C1GALT1: variants seen among roughly 807,000 people sequenced by gnomAD.
C1GALT1 encodes the protein core 1 synthase, glycoprotein-N-acetylgalactosamine 3-beta-galactosyltransferase 1.
C1GALT1 carries 11 observed loss-of-function variants against 31.0 expected under a neutral mutation model. The observed-to-expected ratio is 0.36, with a 90% CI of 0.22 to 0.59. The LOEUF is 0.59. Among genes scored for constraint, C1GALT1 ranks in the 20% least tolerant of loss-of-function variants. The pLI is 0.79. For synonymous variants in C1GALT1, 175 were observed against 143.6 expected (o/e 1.22, Z -1.56); for missense variants, 424 against 425.2 (o/e 1.00, Z 0.03).
chr7:7,169,079 C>A (rs1392466628), intron 2 of C1GALT1, among the ~76,000 whole-genome samples: 4 of 152,142 alleles, frequency 2.6e-5, no homozygotes, highest in African/African-American at 9.7e-5. Flanking sequence ...TTTGCCTCTT[C>A]TAGATATTTC....
intron 1 of C1GALT1, among the ~76,000 whole-genome samples, chr7:7,192,578 C>G (rs1324529552): frequency 6.6e-6 from 1 of 151,848 alleles, no homozygotes; most frequent in Non-Finnish European, 1.5e-5. Flanking sequence ...TGGGTTGATT[C>G]CATATTTTTG....
rs182489574 is a variant in C1GALT1 at position 7,204,424 on chromosome 7, A to G, written c.-18+21604A>G. Among the ~76,000 whole-genome samples the G allele has an allele frequency of 7.2e-5, 11 of 151,850 alleles. No individual in the cohort carries two copies. In the East Asian group the frequency reaches 2.1e-3, roughly 29 times the overall value. On this transcript the variant is annotated intron_variant, in intron 1 of 3. Coordinates refer to ENST00000436587, the MANE Select transcript of C1GALT1 (RefSeq NM_020156.5). ...AAACTATTAGCAATGCCCTACTTTCATTTCTGATTTCAGTAATTTGAGTCT... is the reference window on the plus strand; with the variant it reads ...AAACTATTAGCAATGCCCTACTTTCGTTTCTGATTTCAGTAATTTGAGTCT...
At chr7:7,227,081 A>G (rs570092376) in intron 1 of C1GALT1, among the ~76,000 whole-genome samples, 40 of 152,300 alleles carry the variant, frequency 2.6e-4, no homozygotes, top group African/African-American at 9.6e-4. Context: ...TAATTTTTAG[A>G]GGGATCCTTT....
In C1GALT1 at chr7:7,248,056, A is replaced by G. The variant is rs1783917787; in HGVS notation, c.*4329A>G. 1 of 152,056 alleles carries G rather than the reference A, an allele frequency of 6.6e-6. No individual in the cohort carries two copies. Among genetic ancestry groups the G allele is most frequent in the Admixed American group, 6.5e-5 (1 of 15,270 alleles). The allele number at this position is 152,056 out of a possible 1,614,324, so 9.4% of individuals were successfully genotyped here. On this transcript the variant is annotated 3_prime_UTR_variant, in exon 4 of 4. Transcript: ENST00000436587. ...AAAACAAAACTCATTTTATTTTTCT[A>G]CTTTATAGTAGGCCTGACAGAAACA...
intron 1 of C1GALT1, among the ~76,000 whole-genome samples, chr7:7,220,162 G>T (rs1009773761): frequency 6.6e-6 from 1 of 152,134 alleles, no homozygotes; most frequent in Non-Finnish European, 1.5e-5. Context: ...TTTTGTAGTA[G>T]CAGGCCATAT....
At chr7:7,193,930 G>A (rs546419151) in intron 1 of C1GALT1, among the ~76,000 whole-genome samples, 1 of 147,690 alleles carries the variant, frequency 6.8e-6, no homozygotes, top group African/African-American at 2.5e-5. Context: ...TTTTTTTTTT[G>A]CAGACATAGT....
chr7:7,231,386 T>A (rs747650771), intron 1 of C1GALT1, among the ~76,000 whole-genome samples: 3 of 152,206 alleles, frequency 2.0e-5, no homozygotes, highest in Non-Finnish European at 2.9e-5. Context: ...ATTCAGTCAT[T>A]ATTTCTTTAA....
In C1GALT1 at chr7:7,244,959, A is replaced by G. The variant is rs952857879; in HGVS notation, c.*1232A>G. 1.6e-4 allele frequency: 24 copies of G among 152,338 alleles called. No individual in the cohort carries two copies. The highest frequency in any genetic ancestry group is 5.3e-4 in the African/African-American group (22 of 41,586). The allele number at this position is 152,338 out of a possible 1,614,324, so 9.4% of individuals were successfully genotyped here. A position where few individuals can be genotyped will look rare whatever the true frequency, so the allele number is the denominator to read the frequency against. ...GTTTTGCTAATGGATAATTCTAACA[A>G]TGCAGAATACCTAGTCAAGACTGTC... On this transcript the variant is annotated 3_prime_UTR_variant, in exon 4 of 4. Coordinates refer to ENST00000436587, the MANE Select transcript of C1GALT1 (RefSeq NM_020156.5).
rs1405593360 is a variant in C1GALT1, at chr7:7,244,490, T to C, written c.*763T>C. 6.6e-6 allele frequency: 1 copy of C among 152,184 alleles called. No homozygotes were observed. The highest frequency in any genetic ancestry group is 2.4e-5 in the African/African-American group (1 of 41,456). The allele number at this position is 152,184 out of a possible 1,614,324, so 9.4% of individuals were successfully genotyped here. On this transcript the variant is annotated 3_prime_UTR_variant, in exon 4 of 4. Transcript: ENST00000436587. ...AACATTAATTTACTCAAACCGTTCATAGCATTCTGTAAACATGTATTTTAC... is the reference window on the plus strand; with the variant it reads ...AACATTAATTTACTCAAACCGTTCACAGCATTCTGTAAACATGTATTTTAC...
At position 7,187,075 on chromosome 7, in the gene C1GALT1, A is replaced by G. The variant is rs1382438145; in HGVS notation, c.-18+4255A>G. Among the ~76,000 whole-genome samples the G allele has an allele frequency of 3.9e-5, 6 of 152,354 alleles. No individual in the cohort carries two copies. In the East Asian group the frequency reaches 1.2e-3, roughly 29 times the overall value. On this transcript the variant is annotated intron_variant, in intron 1 of 3. Coordinates refer to ENST00000436587, the MANE Select transcript of C1GALT1 (RefSeq NM_020156.5). ...TTAGAATGTTGTTGGAGTAGTTAAA[A>G]GACAGAGAGGTTGCTCAGACCAGGG...
At chr7:7,191,779 G>T (rs954615891) in intron 1 of C1GALT1, among the ~76,000 whole-genome samples, 2 of 152,060 alleles carry the variant, frequency 1.3e-5, no homozygotes, top group African/African-American at 4.8e-5. Context: ...TATCTTAGGA[G>T]AAATGTGTAT....
At chr7:7,187,798 G>C (rs1460369536) in intron 1 of C1GALT1, among the ~76,000 whole-genome samples, 1 of 152,200 alleles carries the variant, frequency 6.6e-6, no homozygotes, top group Non-Finnish European at 1.5e-5. Flanking sequence ...ACTGTAGACA[G>C]TTCAGGATTG....
chr7:7,221,455 A>T (rs565009507), intron 1 of C1GALT1, among the ~76,000 whole-genome samples: 27 of 151,360 alleles, frequency 1.8e-4, no homozygotes, highest in African/African-American at 6.5e-4. Context: ...CATAATCTCT[A>T]CCAAATTCAT....
At chr7:7,226,664 G>A (rs991068728) in intron 1 of C1GALT1, among the ~76,000 whole-genome samples, 7 of 152,132 alleles carry the variant, frequency 4.6e-5, no homozygotes, top group African/African-American at 1.7e-4. Flanking sequence ...AAGAATTTCA[G>A]ATGTGGCACC....
At chr7:7,199,924 C>T (rs4476914) in intron 1 of C1GALT1, among the ~76,000 whole-genome samples, 29,027 of 151,922 alleles carry the variant, frequency 0.19, 3,251 homozygotes, top group East Asian at 0.36. Context: ...TATTTTGAGC[C>T]TATGTGTGTC....
intron 1 of C1GALT1, among the ~76,000 whole-genome samples, chr7:7,226,954 A>C (rs1782792252): frequency 6.6e-6 from 1 of 152,224 alleles, no homozygotes; most frequent in African/African-American, 2.4e-5. Context: ...ATATTTGTAC[A>C]TGTGTGTATC....
chr7:7,239,216 A>G (rs988927432), intron 3 of C1GALT1, among the ~76,000 whole-genome samples: 2 of 152,208 alleles, frequency 1.3e-5, no homozygotes, highest in Admixed American at 6.5e-5. Context: ...GAGGAGATAT[A>G]CAGTAAACAG....
chr7:7,172,096 C>CA (rs1227571861), intron 2 of C1GALT1, among the ~76,000 whole-genome samples: 1 of 152,134 alleles, frequency 6.6e-6, no homozygotes, highest in East Asian at 1.9e-4. Context: ...AGTGTCTTTT[C>CA]ATTTCAACTT....
chr7:7,198,800 A>G (rs894007483), intron 1 of C1GALT1, among the ~76,000 whole-genome samples: 1 of 152,130 alleles, frequency 6.6e-6, no homozygotes, highest in Admixed American at 6.5e-5. Flanking sequence ...CATTTCTTCT[A>G]GATTTTCTAG....
Sources: gnomAD v4.1 joint callset for allele counts (sites outside exome capture counted in the v4.1 genomes callset) on GRCh38, gnomAD v4.1.1 for gene constraint, MANE v1.5 for transcripts, NCBI Gene and HGNC (gene_info 2026-07-23, HGNC 2026-07-21) for gene names.